KCNIP1: variants seen among roughly 807,000 people sequenced by gnomAD.
KCNIP1 encodes A-type potassium channel modulatory protein KCNIP1.
In KCNIP1, 18 loss-of-function variants were observed where a neutral mutation model predicts 33.0. The observed-to-expected ratio is 0.55, with a 90% CI of 0.38 to 0.81. The LOEUF (loss-of-function observed/expected upper bound fraction) is 0.81, where lower values mean the gene tolerates loss of function less well. Among genes scored for constraint, KCNIP1 ranks in the 30% least tolerant of loss-of-function variants. The pLI is 0.00. For missense variants in KCNIP1, 238 were observed against 271.6 expected, an observed-to-expected ratio of 0.88 and a Z score of 0.87; for synonymous variants, 93 against 98.3, an observed-to-expected ratio of 0.95 and a Z score of 0.32.
At chr5:170,626,320 G>C (rs1051862773) in intron 1 of KCNIP1, among the ~76,000 whole-genome samples, 2 of 152,186 alleles carry the variant, frequency 1.3e-5, no homozygotes, top group African/African-American at 4.8e-5. Context: ...CCAGCTGTTA[G>C]GTGCTAAGGC....
intron 1 of KCNIP1, among the ~76,000 whole-genome samples, chr5:170,657,055 G>T (rs1761301693): frequency 6.9e-6 from 1 of 145,636 alleles, no homozygotes; most frequent in Non-Finnish European, 1.5e-5. Context: ...GAGTGCAGTG[G>T]CATGATCTCA....
intron 1 of KCNIP1, among the ~76,000 whole-genome samples, chr5:170,630,021 G>T (rs962831497): frequency 3.3e-5 from 5 of 152,222 alleles, no homozygotes; most frequent in East Asian, 1.9e-4. Context: ...CCTGCACCAG[G>T]CTGGGCCTGG....
chr5:170,724,426 C>T (rs1043139990), intron 5 of KCNIP1, among the ~76,000 whole-genome samples: 1 of 152,096 alleles, frequency 6.6e-6, no homozygotes, highest in Non-Finnish European at 1.5e-5. Flanking sequence ...AAGGATGATA[C>T]AATACAACTA....
intron 1 of KCNIP1, among the ~76,000 whole-genome samples, chr5:170,476,494 G>A (rs910695363): frequency 2.0e-5 from 3 of 152,096 alleles, no homozygotes; most frequent in African/African-American, 4.8e-5. Flanking sequence ...TGGCTAATTA[G>A]TTAAAAGCAC....
chr5:170,448,288 T>G (rs1006214434), intron 1 of KCNIP1, among the ~76,000 whole-genome samples: 4 of 152,260 alleles, frequency 2.6e-5, no homozygotes, highest in African/African-American at 7.2e-5. Flanking sequence ...GCAATTGCCC[T>G]GTTCCAGGAA....
intron 1 of KCNIP1, among the ~76,000 whole-genome samples, chr5:170,582,811 A>G (rs1021120756): frequency 1.3e-5 from 2 of 152,172 alleles, no homozygotes; most frequent in Admixed American, 1.3e-4. Context: ...GAGGCAATAA[A>G]TGTGTGGGAG....
chr5:170,463,021 T>C (rs1581215239), intron 1 of KCNIP1, among the ~76,000 whole-genome samples: 1 of 152,144 alleles, frequency 6.6e-6, no homozygotes, highest in African/African-American at 2.4e-5. Context: ...TGGTGCAGTA[T>C]ATACTGCTCG....
At chr5:170,614,594 C>T (rs775522504) in intron 1 of KCNIP1, among the ~76,000 whole-genome samples, 10 of 152,228 alleles carry the variant, frequency 6.6e-5, no homozygotes, top group Non-Finnish European at 1.0e-4. Flanking sequence ...TGCATTCCCA[C>T]AAGAACCAAT....
At chr5:170,672,720 G>A (rs566790921) in intron 1 of KCNIP1, among the ~76,000 whole-genome samples, 1 of 152,310 alleles carries the variant, frequency 6.6e-6, no homozygotes, top group Admixed American at 6.5e-5. Context: ...GCCAGCCTCT[G>A]AAGACAAATG....
chr5:170,647,857 A>C (rs1218901611), intron 1 of KCNIP1, among the ~76,000 whole-genome samples: 1 of 152,168 alleles, frequency 6.6e-6, no homozygotes, highest in African/African-American at 2.4e-5. Context: ...GACTGGGAAA[A>C]AATATTTGAA....
At chr5:170,499,626 C>T (rs1209898087), upstream of KCNIP1, among the ~76,000 whole-genome samples, 1 of 152,138 alleles carries the variant, frequency 6.6e-6, no homozygotes, top group Admixed American at 6.5e-5. Context: ...CTGGAAGGAA[C>T]TACTGTTGTC....
At chr5:170,436,625 G>A (rs1755871052) in intron 1 of KCNIP1, among the ~76,000 whole-genome samples, 1 of 152,218 alleles carries the variant, frequency 6.6e-6, no homozygotes, top group Admixed American at 6.5e-5. Context: ...TGCAGCGCAG[G>A]TGTGTGCATG....
chr5:170,684,908 G>C (rs1422303063), intron 1 of KCNIP1, among the ~76,000 whole-genome samples: 3 of 152,058 alleles, frequency 2.0e-5, no homozygotes, highest in Non-Finnish European at 4.4e-5. Flanking sequence ...AGCAATGTCT[G>C]TTGCTCACCT....
chr5:170,399,823 T>C (rs1284675217), intron 1 of KCNIP1, among the ~76,000 whole-genome samples: 3 of 152,230 alleles, frequency 2.0e-5, no homozygotes, highest in Non-Finnish European at 4.4e-5. Flanking sequence ...TTTCCAGGTT[T>C]TGCTATTATA....
intron 1 of KCNIP1, among the ~76,000 whole-genome samples, chr5:170,381,374 A>G (rs1764232487): frequency 6.6e-6 from 1 of 152,176 alleles, no homozygotes; most frequent in East Asian, 1.9e-4. Context: ...CCAGGCTAAG[A>G]CTCACAGGAA....
chr5:170,712,904 C>T (rs1038317957), intron 1 of KCNIP1: 1 of 1,608,088 alleles, frequency 6.2e-7, no homozygotes, highest in African/African-American at 1.3e-5. Flanking sequence ...ACAGTTTAAA[C>T]TAACCTGACT....
intron 1 of KCNIP1, among the ~76,000 whole-genome samples, chr5:170,679,479 ATTG>A (rs1762255025): frequency 6.6e-6 from 1 of 152,116 alleles, no homozygotes; most frequent in Non-Finnish European, 1.5e-5. Context: ...ACATTCAGTT[ATTG>A]TTGTTTTAAA....
At chr5:170,409,436 G>C (rs1755121666) in intron 1 of KCNIP1, among the ~76,000 whole-genome samples, 1 of 152,146 alleles carries the variant, frequency 6.6e-6, no homozygotes, top group Non-Finnish European at 1.5e-5. Flanking sequence ...AAGCCAACAA[G>C]TTCAAGTCAC....
At chr5:170,615,918 T>C (rs1181972580) in intron 1 of KCNIP1, among the ~76,000 whole-genome samples, 1 of 152,166 alleles carries the variant, frequency 6.6e-6, no homozygotes, top group Non-Finnish European at 1.5e-5. Flanking sequence ...GCTGGGTTTG[T>C]TGTTGTTTTA....
Sources: allele counts gnomAD v4.1 joint callset (sites outside exome capture counted in the v4.1 genomes callset), GRCh38; gene constraint gnomAD v4.1.1; transcripts MANE v1.5; gene names NCBI Gene and HGNC (gene_info 2026-07-23, HGNC 2026-07-21).